The following PIWIL4 variants were observed in gnomAD, a reference collection of about 807,000 sequenced individuals.
PIWIL4 encodes the protein piwi like RNA-mediated gene silencing 4, also known as piwi-like protein 4.
A neutral mutation model predicts 100.9 loss-of-function variants in PIWIL4; 50 were observed. That is an observed-to-expected ratio of 0.50 (90% confidence interval 0.39 to 0.63). The LOEUF is 0.63. Ranked by LOEUF, PIWIL4 falls within the 20% of genes least tolerant of loss-of-function variation. The pLI, the probability that PIWIL4 is intolerant of heterozygous loss-of-function variation, is 0.00. For missense variants in PIWIL4, 887 were observed against 1,043.3 expected, an observed-to-expected ratio of 0.85 and a Z score of 2.06; for synonymous variants, 342 against 367.5, an observed-to-expected ratio of 0.93 and a Z score of 0.79.
chr11:94,574,771 G>A (rs148751734), intron 2 of PIWIL4, among the ~76,000 whole-genome samples: 5 of 152,282 alleles, frequency 3.3e-5, no homozygotes, highest in East Asian at 1.9e-4. Context: ...CATGAGTCAC[G>A]ACATCTGGCC....
chr11:94,590,040 T>TA (rs1018597520), intron 8 of PIWIL4, among the ~76,000 whole-genome samples: 90 of 152,364 alleles, frequency 5.9e-4, no homozygotes, highest in African/African-American at 2.1e-3. Context: ...ACCTTCTCTT[T>TA]AATGTATAGT....
At chr11:94,616,717 C>T (rs1251507572) in intron 16 of PIWIL4, among the ~76,000 whole-genome samples, 154 bp downstream of exon 16, 1 of 152,084 alleles carries the variant, frequency 6.6e-6, no homozygotes, top group Non-Finnish European at 1.5e-5. Flanking sequence ...AGCTGCATGC[C>T]GATTTAGGCC....
intron 15 of PIWIL4, 68 bp from the exon 16 acceptor site, chr11:94,616,425 T>G: frequency 7.9e-7 from 1 of 1,264,148 alleles, no homozygotes. Flanking sequence ...CTTAATTTAA[T>G]ATTAATGAAT....
chr11:94,583,044 A>ATGTGTGTGTGTG lies in PIWIL4; in HGVS notation c.514-385_514-374dup, dbSNP rs58072951. 2.9e-3 allele frequency among the ~76,000 whole-genome samples: 386 copies of ATGTGTGTGTGTG among 133,882 alleles called. 1 individual carries two copies. The highest frequency in any genetic ancestry group is 9.5e-3 in the African/African-American group (356 of 37,488). 87.8% of individuals were successfully genotyped at this position (133,882 alleles called of 152,430 possible). ...TGTTGTGGTGTGTGTATATATATATATGTGTGTGTGTGTGTGTGTGTGTGT... is the reference window on the plus strand; with the variant it reads ...TGTTGTGGTGTGTGTATATATATATATGTGTGTGTGTGTGTGTGTGTGTGTGTGTGTGTGTGT... On this transcript the variant is annotated intron_variant, in intron 4 of 19. Coordinates refer to ENST00000299001, the MANE Select transcript of PIWIL4 (RefSeq NM_152431.3).
At chr11:94,577,154 G>A (rs1197038524) in intron 3 of PIWIL4, 124 bp from the exon 4 acceptor site, 3 of 733,974 alleles carry the variant, frequency 4.1e-6, no homozygotes, top group East Asian at 2.7e-5. Context: ...CTGTGTCACT[G>A]TGCAAAAATC....
rs115472054 is a variant in PIWIL4 at position 94,583,903 on chromosome 11, A to G, written c.635+334A>G. Among the ~76,000 whole-genome samples, 1,237 of 152,178 alleles carry G rather than the reference A, an allele frequency of 8.1e-3. 17 individuals are homozygous for G. The highest frequency in any genetic ancestry group is 0.028 in the African/African-American group (1,165 of 41,522). ...CCAGACTTAAAAGTTCATTTAGCAA[A>G]CTTAGTTAAGTTTGGCTTAATAAAC... is the stretch of plus-strand genomic sequence containing the variant. On this transcript the variant is annotated intron_variant, in intron 5 of 19. Coordinates refer to ENST00000299001, the MANE Select transcript of PIWIL4 (RefSeq NM_152431.3).
intron 17 of PIWIL4, 55 bp downstream of exon 17, chr11:94,618,162 A>G: frequency 6.8e-7 from 1 of 1,477,480 alleles, no homozygotes; most frequent in Non-Finnish European, 9.1e-7. Context: ...ATTCAGCTGT[A>G]GCTATTACAC....
At chr11:94,569,590 C>G (rs1257210485) in intron 2 of PIWIL4, among the ~76,000 whole-genome samples, 1 of 152,170 alleles carries the variant, frequency 6.6e-6, no homozygotes, top group East Asian at 1.9e-4. Context: ...GTTGGTCAGG[C>G]TAGTCTTGAA....
chr11:94,582,123 G>A (rs1487262242), intron 4 of PIWIL4, among the ~76,000 whole-genome samples: 9 of 152,132 alleles, frequency 5.9e-5, no homozygotes, highest in African/African-American at 2.2e-4. Flanking sequence ...GAGGTACAAG[G>A]CGGGGCTGAA....
chr11:94,593,067 G>A (rs1029423230), intron 8 of PIWIL4, among the ~76,000 whole-genome samples: 1 of 152,286 alleles, frequency 6.6e-6, no homozygotes, highest in African/African-American at 2.4e-5. Context: ...GCTGTTTTGG[G>A]AAATCTGAGA....
chr11:94,577,560 C>A, intron 4 of PIWIL4, 68 bp downstream of exon 4: 1 of 1,140,808 alleles, frequency 8.8e-7, no homozygotes, highest in Non-Finnish European at 1.2e-6. Flanking sequence ...TACACACACA[C>A]ATATATATGC....
intron 15 of PIWIL4, among the ~76,000 whole-genome samples, chr11:94,614,625 T>G (rs1244127264): frequency 6.6e-6 from 1 of 152,194 alleles, no homozygotes; most frequent in Non-Finnish European, 1.5e-5. Context: ...TGATTTTTCA[T>G]GTTTCTTGAA....
chr11:94,591,479 T>C (rs1948484697), intron 8 of PIWIL4, among the ~76,000 whole-genome samples: 1 of 152,246 alleles, frequency 6.6e-6, no homozygotes, highest in Non-Finnish European at 1.5e-5. Flanking sequence ...AGGATGGTGT[T>C]TGGCTAATCC....
chr11:94,570,671 A>G (rs1293053315), intron 2 of PIWIL4, among the ~76,000 whole-genome samples: 1 of 152,116 alleles, frequency 6.6e-6, no homozygotes, highest in Non-Finnish European at 1.5e-5. Context: ...TGGGCGGATC[A>G]CCTGAGGTCA....
chr11:94,573,288 C>T (rs1948185444), intron 2 of PIWIL4, among the ~76,000 whole-genome samples: 1 of 152,176 alleles, frequency 6.6e-6, no homozygotes, highest in Admixed American at 6.5e-5. Flanking sequence ...ATTTCTTTCT[C>T]CTGCCTGATT....
rs748495129 is a variant in PIWIL4 at position 94,595,316 on chromosome 11, T to C, written c.1158T>C (p.Thr386=). Residue 386 remains threonine, a synonymous_variant, in exon 10 of 20, where the codon ACT becomes ACC. Transcript: ENST00000299001. The stretch of plus-strand genomic sequence containing the variant: ...TTCATTTGCATTTAATAGGGCTGAC[T>C]GACCAGGCAACATCTGATTTCCAGC... ...IPELCFLTGL[T]DQATSDFQLM... 6.2e-6 allele frequency: 10 copies of C among 1,613,206 alleles called. No individual in the cohort carries two copies. The highest frequency in any genetic ancestry group is 7.6e-6 in the Non-Finnish European group (9 of 1,179,334).
intron 6 of PIWIL4, among the ~76,000 whole-genome samples, chr11:94,586,645 TC>T (rs201885845): frequency 5.9e-5 from 9 of 151,742 alleles, no homozygotes; most frequent in Non-Finnish European, 1.3e-4. Context: ...CAGGGACATT[TC>T]CCCCCCCTCT....
intron 15 of PIWIL4, among the ~76,000 whole-genome samples, chr11:94,610,180 T>G (rs796810893): frequency 5.3e-5 from 8 of 152,146 alleles, no homozygotes; most frequent in African/African-American, 1.9e-4. Flanking sequence ...GGTTCATTCA[T>G]GTTGTTGCAA....
intron 4 of PIWIL4, among the ~76,000 whole-genome samples, 182 bp downstream of exon 4, chr11:94,577,674 C>T (rs1948257029): frequency 6.6e-6 from 1 of 152,158 alleles, no homozygotes; most frequent in African/African-American, 2.4e-5. Flanking sequence ...AAGGTCAAGA[C>T]ACTTTTATAA....
Sources: allele counts gnomAD v4.1 joint callset (sites outside exome capture counted in the v4.1 genomes callset), GRCh38; gene constraint gnomAD v4.1.1; transcripts MANE v1.5; gene names NCBI Gene and HGNC (gene_info 2026-07-23, HGNC 2026-07-21).